The following PJVK variants were observed in gnomAD, a reference collection of about 807,000 sequenced individuals.
The protein encoded by PJVK is pejvakin.
A neutral mutation model predicts 37.6 loss-of-function variants in PJVK; 33 were observed. The ratio of observed to expected loss-of-function variants is 0.88; its 90% CI spans 0.67 to 1.17. PJVK has a LOEUF of 1.17. Among genes scored for constraint, PJVK ranks in the 50% most tolerant of loss-of-function variants. The pLI, the probability that PJVK is intolerant of heterozygous loss-of-function variation, is 0.00. For missense variants in PJVK, 410 were observed against 413.8 expected, an observed-to-expected ratio of 0.99 and a Z score of 0.08; for synonymous variants, 141 against 143.5, an observed-to-expected ratio of 0.98 and a Z score of 0.13.
intron 5 of PJVK, 145 bp from the exon 6 acceptor site, chr2:178,460,203 G>T: frequency 1.4e-6 from 1 of 700,476 alleles, no homozygotes; most frequent in Non-Finnish European, 2.4e-6. Flanking sequence ...TTTGTACCAT[G>T]TGAATGTTAC....
At chr2:178,458,673 G>T in intron 5 of PJVK, 46 bp downstream of exon 5, 2 of 1,419,658 alleles carry the variant, frequency 1.4e-6, no homozygotes, top group Non-Finnish European at 2.0e-6. Flanking sequence ...TATTTTTAAG[G>T]AGCATTCATT....
intron 4 of PJVK, 85 bp downstream of exon 4, chr2:178,456,236 T>C: frequency 2.0e-6 from 3 of 1,533,098 alleles, no homozygotes; most frequent in Admixed American, 1.9e-5. Flanking sequence ...GTCAGGCTTG[T>C]GTATTTTGTG....
chr2:178,455,769 G>C (rs1684025594), intron 3 of PJVK, among the ~76,000 whole-genome samples: 1 of 152,052 alleles, frequency 6.6e-6, no homozygotes, highest in African/African-American at 2.4e-5. Context: ...GCAACAAATA[G>C]AGTCCCCTTC....
In PJVK at chr2:178,461,177, C is replaced by T. The variant is rs376139694; in HGVS notation, c.962C>T (p.Thr321Ile). The T allele has an allele frequency of 1.2e-6, 2 of 1,614,152 alleles. No individual in the cohort carries two copies. The highest frequency in any genetic ancestry group is 1.7e-6 in the Non-Finnish European group (2 of 1,180,018). ...LCGMGNFKRE[T>I]VYGCFQCSVD... ...GGAATGGGGAACTTCAAAAGGGAGA[C>T]AGTTTATGGGTGCTTTCAGTGTTCT... is the stretch of plus-strand genomic sequence containing the variant. The change falls in exon 7 of 7, where the codon ACA (threonine) becomes ATA (isoleucine). Residue 321 changes from threonine to isoleucine, a missense_variant. Transcript: ENST00000644580.
chr2:178,456,462 AT>A (rs1026489038), intron 4 of PJVK, among the ~76,000 whole-genome samples: 3 of 151,924 alleles, frequency 2.0e-5, no homozygotes, highest in Admixed American at 6.6e-5. Flanking sequence ...AATTGATTTT[AT>A]TTTTAAGTGA....
At chr2:178,455,952 TTTGA>T (rs1684044694) in intron 3 of PJVK, 54 bp from the exon 4 acceptor site, 2 of 1,585,772 alleles carry the variant, frequency 1.3e-6, no homozygotes, top group African/African-American at 1.3e-5. Context: ...AAAAAATGTA[TTTGA>T]TTATGTGTAA....
chr2:178,459,463 C>T (rs992320585), intron 5 of PJVK, among the ~76,000 whole-genome samples: 6 of 151,972 alleles, frequency 3.9e-5, no homozygotes, highest in South Asian at 2.1e-4. Flanking sequence ...TATTTTGATA[C>T]GGGCATACAG....
intron 3 of PJVK, chr2:178,455,065 C>A: frequency 6.8e-7 from 1 of 1,464,808 alleles, no homozygotes; most frequent in Non-Finnish European, 9.6e-7. Context: ...AGGTGGGGCT[C>A]AAGGGGCAGC....
chr2:178,455,105 G>A (rs373640662), intron 3 of PJVK: 42 of 1,593,686 alleles, frequency 2.6e-5, no homozygotes, highest in Middle Eastern at 2.0e-4. Context: ...GCTCTACAAC[G>A]AAGTGAAGGC....
In PJVK at chr2:178,461,019, T is replaced by A. The variant is rs767993166; in HGVS notation, c.804T>A (p.Leu268=). The change falls in exon 7 of 7, where the codon CTT becomes CTA. Residue 268 remains leucine, a synonymous_variant. Transcript: ENST00000644580. ...TGGATGTCATTTCTCGTTCACAGCT[T>A]TACTTGGATGATCTTTTTTCTGACT... ...RVMDVISRSQ[L]YLDDLFSDYY... The A allele has an allele frequency of 5.6e-6, 9 of 1,613,930 alleles. No individual in the cohort carries two copies. In the African/African-American group the frequency reaches 1.2e-4, roughly 22 times the overall value.
chr2:178,454,347 A>G lies in PJVK; in HGVS notation c.227A>G (p.Gln76Arg), dbSNP rs1055522657. Residue 76 changes from glutamine (Q) to arginine (R), a missense_variant, in exon 3 of 7, where the codon CAA becomes CGA. Coordinates refer to ENST00000644580, the MANE Select transcript of PJVK (RefSeq NM_001042702.5). ...REISAGISSYQLLNYEDESDV... is the reference protein window; with the variant it reads ...REISAGISSYRLLNYEDESDV... ...TCTTATAAAGGTATTTCATCTTATC[A>G]ATTACTGAATTATGAAGATGAATCA... 2.5e-6 allele frequency: 4 copies of G among 1,612,958 alleles called. No homozygotes were observed. In the African/African-American group the frequency reaches 4.0e-5, roughly 16 times the overall value.
intron 4 of PJVK, among the ~76,000 whole-genome samples, chr2:178,457,125 C>T (rs1482742834): frequency 3.3e-5 from 5 of 152,142 alleles, no homozygotes; most frequent in Non-Finnish European, 5.9e-5. Flanking sequence ...CCTGCCACCA[C>T]GCCCGGCAGT....
chr2:178,459,364 G>A (rs1440333586), intron 5 of PJVK: 2 of 335,068 alleles, frequency 6.0e-6, no homozygotes, highest in African/African-American at 4.3e-5. Context: ...AAAACTACAT[G>A]TTAAGTAAAT....
chr2:178,460,065 G>A (rs1427958060), intron 5 of PJVK: 1 of 378,408 alleles, frequency 2.6e-6, no homozygotes, highest in Non-Finnish European at 4.9e-6. Context: ...AATATATGGA[G>A]TATTTCTGGA....
rs536141412 is a variant in PJVK, at chr2:178,461,584, C to CT, written c.*328dup. Among the ~76,000 whole-genome samples, 8,419 of 122,570 alleles carry CT rather than the reference C, an allele frequency of 0.069. 583 individuals carry two copies. Among genetic ancestry groups the CT allele is most frequent in the African/African-American group, 0.087 (2,702 of 30,914 alleles). 80.4% of individuals were successfully genotyped at this position (122,570 alleles called of 152,430 possible). A position where few individuals can be genotyped will look rare whatever the true frequency, so the allele number is the denominator to read the frequency against. On this transcript the variant is annotated 3_prime_UTR_variant, in exon 7 of 7. Transcript: ENST00000644580. The stretch of plus-strand genomic sequence containing the variant: ...GATGTAGTCTATCATTTTAGTTCAC[C>CT]TTTTTTTTTTTTTTTTTTGAGACAG...
chr2:178,457,081 G>T, intron 4 of PJVK, among the ~76,000 whole-genome samples: 1 of 151,970 alleles, frequency 6.6e-6, no homozygotes, highest in African/African-American at 2.4e-5. Context: ...CCATTCTTCT[G>T]CCTCAGCCTC....
intron 2 of PJVK, 91 bp downstream of exon 2, chr2:178,453,711 C>T (rs1697860215): frequency 9.1e-7 from 1 of 1,104,426 alleles, no homozygotes; most frequent in Non-Finnish European, 1.3e-6. Flanking sequence ...GTTAGTAATA[C>T]ACATTTTCAA....
At chr2:178,454,956 A>G (rs904628229) in intron 3 of PJVK, 26 of 919,730 alleles carry the variant, frequency 2.8e-5, no homozygotes, top group South Asian at 2.5e-4. Flanking sequence ...TTACCGCTGG[A>G]CCAAGACCCT....
At position 178,461,057 on chromosome 2, in the gene PJVK, C is replaced by G. The variant is rs767996162; in HGVS notation, c.842C>G (p.Pro281Arg). 5.0e-6 allele frequency: 8 copies of G among 1,614,036 alleles called. No homozygotes were observed. The highest frequency in any genetic ancestry group is 1.7e-5 in the Admixed American group (1 of 60,020). Residue 281 changes from proline (P) to arginine (R), a missense_variant, in exon 7 of 7, where the codon CCT becomes CGT. Coordinates refer to ENST00000644580, the MANE Select transcript of PJVK (RefSeq NM_001042702.5). Reference protein sequence around the residue: ...DDLFSDYYDKPLSMTDISLKE... With the variant: ...DDLFSDYYDKRLSMTDISLKE... Reference sequence around the variant, plus strand: ...CTTTTTTCTGACTACTATGACAAACCTCTCAGCATGACTGATATTTCACTC... The same window carrying G: ...CTTTTTTCTGACTACTATGACAAACGTCTCAGCATGACTGATATTTCACTC...
Sources: allele counts gnomAD v4.1 joint callset (sites outside exome capture counted in the v4.1 genomes callset), GRCh38; gene constraint gnomAD v4.1.1; transcripts MANE v1.5; gene names NCBI Gene and HGNC (gene_info 2026-07-23, HGNC 2026-07-21).